Variants in TNIK observed in about 807,000 individuals in gnomAD.
The protein encoded by TNIK is TRAF2 and NCK interacting kinase, also known as TRAF2 and NCK-interacting protein kinase.
A neutral mutation model predicts 191.3 loss-of-function variants in TNIK; 49 were observed. That is an observed-to-expected ratio of 0.26 (90% CI 0.20 to 0.32). TNIK has a LOEUF of 0.32. TNIK is among the 10% of genes least tolerant of loss of function. TNIK has a pLI of 1.00. For synonymous variants in TNIK, 594 were observed against 600.9 expected, an observed-to-expected ratio of 0.99 and a Z score of 0.17; for missense variants, 1,155 against 1,702.3, an observed-to-expected ratio of 0.68 and a Z score of 5.66.
At chr3:171,082,122 GGCTATACT>G (rs747340091) in intron 27 of TNIK, 121 bp downstream of exon 27, 28 of 1,277,426 alleles carry the variant, frequency 2.2e-5, no homozygotes, top group Non-Finnish European at 3.0e-5. Context: ...ATCTCACTCT[GGCTATACT>G]GCTATACTTT....
chr3:171,458,977 C>T (rs956856078), intron 1 of TNIK, among the ~76,000 whole-genome samples: 7 of 152,258 alleles, frequency 4.6e-5, no homozygotes, highest in East Asian at 3.9e-4. Flanking sequence ...GAAAGCTCTG[C>T]CCCCTTCCCC....
At chr3:171,101,399 T>C (rs775761450) in intron 22 of TNIK, 50 bp downstream of exon 22, 19 of 1,531,882 alleles carry the variant, frequency 1.2e-5, no homozygotes, top group Non-Finnish European at 1.1e-5. Flanking sequence ...TCCTTTTATT[T>C]TGGAAACCTA....
intron 9 of TNIK, among the ~76,000 whole-genome samples, chr3:171,169,052 A>T (rs1734960871): frequency 6.6e-6 from 1 of 152,180 alleles, no homozygotes; most frequent in South Asian, 2.1e-4. Flanking sequence ...AATGTAATGA[A>T]ATAAAGGACA....
At chr3:171,122,883 A>G (rs1278579534) in intron 18 of TNIK, among the ~76,000 whole-genome samples, 1 of 152,200 alleles carries the variant, frequency 6.6e-6, no homozygotes, top group Non-Finnish European at 1.5e-5. Context: ...TGTTACCACA[A>G]AAAATTTGCT....
At chr3:171,118,390 T>TC (rs1727099993) in intron 18 of TNIK, among the ~76,000 whole-genome samples, 1 of 152,136 alleles carries the variant, frequency 6.6e-6, no homozygotes. Flanking sequence ...TTCAATGCCA[T>TC]CCCCATCAAG....
intron 22 of TNIK, among the ~76,000 whole-genome samples, chr3:171,094,781 C>T (rs1722508735): frequency 6.6e-6 from 1 of 152,102 alleles, no homozygotes; most frequent in Non-Finnish European, 1.5e-5. Context: ...TCCCAACAGC[C>T]CCTCTTCTTT....
chr3:171,434,920 C>T (rs1297094628), intron 1 of TNIK, among the ~76,000 whole-genome samples: 1 of 152,030 alleles, frequency 6.6e-6, no homozygotes, highest in Non-Finnish European at 1.5e-5. Context: ...ATGTTTGCAA[C>T]TGCAAGTAAA....
At chr3:171,249,077 T>C (rs929294919) in intron 2 of TNIK, among the ~76,000 whole-genome samples, 1 of 152,268 alleles carries the variant, frequency 6.6e-6, no homozygotes, top group African/African-American at 2.4e-5. Flanking sequence ...TAGGAGCTTA[T>C]GAAATTCTGT....
At chr3:171,228,242 C>T (rs1010477227) in intron 2 of TNIK, 21 bp from the exon 3 acceptor site, 3 of 1,612,952 alleles carry the variant, frequency 1.9e-6, no homozygotes, top group Non-Finnish European at 2.5e-6. Context: ...AAAATAATAA[C>T]AAAAGATTTA....
chr3:171,403,154 G>A (rs1036820416), intron 1 of TNIK, among the ~76,000 whole-genome samples: 1 of 152,192 alleles, frequency 6.6e-6, no homozygotes, highest in Non-Finnish European at 1.5e-5. Context: ...TCCAGCCTGG[G>A]GCTGGTCAGA....
chr3:171,187,493 G>A (rs1737505578), intron 7 of TNIK, among the ~76,000 whole-genome samples: 2 of 152,208 alleles, frequency 1.3e-5, no homozygotes, highest in South Asian at 2.1e-4. Flanking sequence ...CCTCAAAAAC[G>A]CTGCAATGTT....
At position 171,128,879 on chromosome 3, in the gene TNIK, C is replaced by T. The variant is rs1560154161; in HGVS notation, c.1609-1G>A. 2.9e-6 allele frequency: 4 copies of T among 1,370,624 alleles called. No homozygotes were observed. Among genetic ancestry groups the T allele is most frequent in the Non-Finnish European group, 3.8e-6 (4 of 1,045,544 alleles). 84.9% of individuals were successfully genotyped at this position (1,370,624 alleles called of 1,614,324 possible). A position where few individuals can be genotyped will look rare whatever the true frequency, so the allele number is the denominator to read the frequency against. ...GGTTGAGCCTTGACCGTTCTTCTAC[C>T]TACAACCCAAAAAAAAAAAAAAAAA... On this transcript the variant is annotated splice_acceptor_variant, in intron 15 of 32. Coordinates refer to ENST00000436636, the MANE Select transcript of TNIK (RefSeq NM_015028.4). LOFTEE classifies it high-confidence loss of function.
At chr3:171,383,954 C>T (rs1718401543) in intron 1 of TNIK, among the ~76,000 whole-genome samples, 1 of 152,228 alleles carries the variant, frequency 6.6e-6, no homozygotes, top group Admixed American at 6.5e-5. Context: ...CAACCTCAGC[C>T]TCCCTTTAAA....
At chr3:171,120,691 A>G (rs1367253357) in intron 18 of TNIK, among the ~76,000 whole-genome samples, 2 of 152,046 alleles carry the variant, frequency 1.3e-5, no homozygotes, top group Non-Finnish European at 2.9e-5. Context: ...CAGAGGTAGA[A>G]CTGGTCTCCT....
chr3:171,365,191 T>C (rs1411555451), intron 2 of TNIK, among the ~76,000 whole-genome samples: 2 of 98,616 alleles, frequency 2.0e-5, no homozygotes, highest in African/African-American at 9.6e-5. Flanking sequence ...TTTTTTTTTT[T>C]TTTTTTTTGA....
At chr3:171,359,481 G>A (rs1358293249) in intron 2 of TNIK, among the ~76,000 whole-genome samples, 1 of 152,102 alleles carries the variant, frequency 6.6e-6, no homozygotes, top group African/African-American at 2.4e-5. Context: ...CTTTGTTGTA[G>A]AGAGGAACAA....
At chr3:171,137,039 C>CA (rs945690542) in intron 15 of TNIK, among the ~76,000 whole-genome samples, 1 of 129,666 alleles carries the variant, frequency 7.7e-6, no homozygotes, top group Non-Finnish European at 1.6e-5. Context: ...GTTATTTTCA[C>CA]AAAAAAATAC....
At chr3:171,084,467 A>T in intron 25 of TNIK, 142 bp from the exon 26 acceptor site, 2 of 1,012,452 alleles carry the variant, frequency 2.0e-6, no homozygotes, top group Non-Finnish European at 1.4e-6. Context: ...CTTATTTTAC[A>T]CTTTTTTTTT....
intron 17 of TNIK, among the ~76,000 whole-genome samples, chr3:171,124,826 C>T (rs1728246078): frequency 6.6e-6 from 1 of 152,058 alleles, no homozygotes; most frequent in Admixed American, 6.5e-5. Flanking sequence ...GCATGTATGC[C>T]TGCGTATTTT....
Sources: gnomAD v4.1 joint callset for allele counts (sites outside exome capture counted in the v4.1 genomes callset) on GRCh38, gnomAD v4.1.1 for gene constraint, MANE v1.5 for transcripts, NCBI Gene and HGNC (gene_info 2026-07-23, HGNC 2026-07-21) for gene names.